PCDHGB1: variants seen among roughly 807,000 people sequenced by gnomAD.
The protein encoded by PCDHGB1 is protocadherin gamma subfamily B, 1, also known as protocadherin gamma-B1.
Under a neutral mutation model 56.6 loss-of-function variants are expected in PCDHGB1, and 34 were observed. The ratio of observed to expected loss-of-function variants is 0.60; its 90% CI spans 0.46 to 0.80. The LOEUF (loss-of-function observed/expected upper bound fraction) is 0.80. Among genes scored for constraint, PCDHGB1 ranks in the 30% least tolerant of loss-of-function variants. The pLI is 0.00. For missense variants in PCDHGB1, 1,278 were observed against 1,204.6 expected (o/e 1.06, Z -0.90); for synonymous variants, 561 against 505.9 (o/e 1.11, Z -1.46).
At chr5:141,364,041 A>G (rs1442486662) in intron 1 of PCDHGB1, among the ~76,000 whole-genome samples, 2 of 152,276 alleles carry the variant, frequency 1.3e-5, no homozygotes, top group African/African-American at 4.8e-5. Context: ...ATATGGCAAC[A>G]TTATTAGAAA....
chr5:141,425,127 A>G (rs1353123394), intron 1 of PCDHGB1, among the ~76,000 whole-genome samples: 2 of 152,208 alleles, frequency 1.3e-5, no homozygotes, highest in Non-Finnish European at 2.9e-5. Flanking sequence ...CTTGAAGTCA[A>G]GAAAAATGTT....
intron 1 of PCDHGB1, chr5:141,413,755 A>G: frequency 1.2e-6 from 2 of 1,612,936 alleles, no homozygotes; most frequent in Non-Finnish European, 1.7e-6. Context: ...CAATGGCGTC[A>G]AGTACCCGGA....
At chr5:141,378,325 C>G (rs1344220335) in intron 1 of PCDHGB1, 1 of 152,200 alleles carries the variant, frequency 6.6e-6, no homozygotes, top group Non-Finnish European at 1.5e-5. Context: ...GAGTTCGAGA[C>G]CAGCCTGACC....
chr5:141,394,855 C>T (rs1201168639), intron 1 of PCDHGB1: 2 of 1,613,778 alleles, frequency 1.2e-6, no homozygotes, highest in African/African-American at 1.3e-5. Context: ...CTGAAGCCTT[C>T]GGTCGACCCG....
intron 1 of PCDHGB1, chr5:141,400,123 G>T: frequency 6.2e-7 from 1 of 1,614,082 alleles, no homozygotes; most frequent in Non-Finnish European, 8.5e-7. Flanking sequence ...CAGCTTGCAG[G>T]AGGTGCTGCC....
At chr5:141,409,424 G>A in intron 1 of PCDHGB1, 1 of 1,613,998 alleles carries the variant, frequency 6.2e-7, no homozygotes, top group Non-Finnish European at 8.5e-7. Context: ...GGTGACAGAT[G>A]GAGCCCTGGA....
At chr5:141,429,164 G>A (rs2097189096) in intron 1 of PCDHGB1, 1 of 131,392 alleles carries the variant, frequency 7.6e-6, no homozygotes, top group African/African-American at 3.1e-5. Flanking sequence ...CGGAGACATT[G>A]TTTATACACA....
intron 1 of PCDHGB1, among the ~76,000 whole-genome samples, chr5:141,472,980 C>CA (rs60579131): frequency 0.042 from 3,623 of 85,966 alleles, 71 homozygotes; most frequent in South Asian, 0.079. Context: ...GAGTGAAACT[C>CA]AAAAAAAAAA....
rs2099661624 is a variant in PCDHGB1, at chr5:141,487,712, G to A, written c.2410-7095G>A. The stretch of plus-strand genomic sequence containing the variant: ...AGAGAGTACTGGCCTCTCAGTAAGT[G>A]CCCATAGTGATGTCACCATTTTTGT... On this transcript the variant is annotated intron_variant, in intron 1 of 3. Coordinates refer to ENST00000523390, the MANE Select transcript of PCDHGB1 (RefSeq NM_018922.3). The surrounding 1 kb of genome is among the most constrained non-coding windows in gnomAD (Gnocchi z 5.0). The A allele has an allele frequency of 5.0e-6, 8 of 1,585,892 alleles. No individual in the cohort carries two copies. The highest frequency in any genetic ancestry group is 1.1e-5 in the South Asian group (1 of 87,950).
chr5:141,420,960 T>C, intron 1 of PCDHGB1: 1 of 425,378 alleles, frequency 2.4e-6, no homozygotes, highest in East Asian at 3.9e-5. Context: ...TCTTAGTCGT[T>C]GCAATAATAA....
chr5:141,466,812 G>A (rs1394979761), intron 1 of PCDHGB1, among the ~76,000 whole-genome samples: 3 of 151,940 alleles, frequency 2.0e-5, no homozygotes, highest in Non-Finnish European at 4.4e-5. Flanking sequence ...ATTCAGACAT[G>A]GTATAACAAG....
At chr5:141,419,529 A>G (rs2096395609) in intron 1 of PCDHGB1, 2 of 1,612,082 alleles carry the variant, frequency 1.2e-6, no homozygotes, top group Non-Finnish European at 1.7e-6. Context: ...GACCGTAACG[A>G]CAACGCACCG....
chr5:141,482,967 AGCAGCTACTT>A (rs2099575323), intron 1 of PCDHGB1, among the ~76,000 whole-genome samples: 1 of 58,122 alleles, frequency 1.7e-5, no homozygotes, highest in African/African-American at 2.6e-4. Flanking sequence ...CAGCTACTTG[AGCAGCTACTT>A]GAGAGGTCGA....
intron 1 of PCDHGB1, chr5:141,415,543 G>A (rs1561758242): frequency 6.2e-7 from 1 of 1,614,130 alleles, no homozygotes; most frequent in East Asian, 2.2e-5. Context: ...GGAGAGCTGT[G>A]AGAAAAACGA....
In PCDHGB1 at chr5:141,421,099, G is replaced by A. The variant is rs941392242; in HGVS notation, c.2409+68430G>A. ...GATACTCACAGATCCTGACACTGGA[G>A]ACTTAGAAGTATTTTCCTTCGCTTT... is the stretch of plus-strand genomic sequence containing the variant. On this transcript the variant is annotated intron_variant, in intron 1 of 3. Coordinates refer to ENST00000523390, the MANE Select transcript of PCDHGB1 (RefSeq NM_018922.3). 1.2e-5 allele frequency: 8 copies of A among 680,384 alleles called. No individual in the cohort carries two copies. In the Admixed American group the frequency reaches 1.2e-4, roughly 11 times the overall value. 42.1% of individuals were successfully genotyped at this position (680,384 alleles called of 1,614,324 possible).
intron 1 of PCDHGB1, chr5:141,366,730 CAAAG>C: frequency 1.9e-6 from 3 of 1,613,020 alleles, no homozygotes; most frequent in Non-Finnish European, 2.5e-6. Flanking sequence ...TAGATGCAAA[CAAAG>C]AAGAACGGCG....
chr5:141,357,406 C>T, intron 1 of PCDHGB1: 2 of 1,614,232 alleles, frequency 1.2e-6, no homozygotes, highest in Non-Finnish European at 1.7e-6. Context: ...GGCAGGTGTG[C>T]CTGCCTCGCA....
At chr5:141,372,631 G>C (rs1768931705) in intron 1 of PCDHGB1, 1 of 1,613,884 alleles carries the variant, frequency 6.2e-7, no homozygotes, top group Non-Finnish European at 8.5e-7. Context: ...TACAGCGAAA[G>C]GACTTTGCCT....
In PCDHGB1 at chr5:141,423,081, C is replaced by T. The variant is rs1393904828; in HGVS notation, c.2409+70412C>T. 3.1e-6 allele frequency: 5 copies of T among 1,613,966 alleles called. No individual in the cohort carries two copies. The African/African-American group carries it at 4.0e-5, about 13-fold the overall frequency. ...TTAAGGCCAGCGAGCCGGGACTCTT[C>T]GCGGTGGGGGAGCACACGGGCGAGG... is the stretch of plus-strand genomic sequence containing the variant. On this transcript the variant is annotated intron_variant, in intron 1 of 3. Coordinates refer to ENST00000523390, the MANE Select transcript of PCDHGB1 (RefSeq NM_018922.3).
Sources: gnomAD v4.1 joint callset for allele counts (sites outside exome capture counted in the v4.1 genomes callset) on GRCh38, gnomAD v4.1.1 for gene constraint, Gnocchi (gnomAD v3.1) non-coding constraint, MANE v1.5 for transcripts, NCBI Gene and HGNC (gene_info 2026-07-23, HGNC 2026-07-21) for gene names.